C6orf118: variants seen among roughly 807,000 people sequenced by gnomAD.
C6orf118 encodes uncharacterized protein C6orf118.
C6orf118 carries 50 observed loss-of-function variants against 50.2 expected under a neutral mutation model. The ratio of observed to expected loss-of-function variants is 1.00; its 90% CI spans 0.79 to 1.26. The LOEUF is 1.26. C6orf118 is among the 50% of genes most tolerant of loss of function. C6orf118 has a pLI of 0.00. For missense variants in C6orf118, 641 were observed against 578.7 expected, an observed-to-expected ratio of 1.11 and a Z score of -1.10; for synonymous variants, 239 against 230.9, an observed-to-expected ratio of 1.03 and a Z score of -0.32.
chr6:165,301,614 G>A lies in C6orf118; in HGVS notation c.708C>T (p.Phe236=), dbSNP rs1244305766. 2.5e-6 allele frequency: 4 copies of A among 1,613,922 alleles called. No homozygotes were observed. Among genetic ancestry groups the A allele is most frequent in the Non-Finnish European group, 3.4e-6 (4 of 1,180,012 alleles). Residue 236 remains phenylalanine, a synonymous_variant, in exon 2 of 9, where the codon TTC becomes TTT. Transcript: ENST00000230301. ...LAKQDLLKND[F]TGSKAAAGHE... ...GGCCCGCGGCCGCCTTGCTCCCAGT[G>A]AAGTCATTCTTCAGGAGATCTTGCT...
At chr6:165,306,243 A>G (rs1246436742) in intron 1 of C6orf118, among the ~76,000 whole-genome samples, 8 of 53,156 alleles carry the variant, frequency 1.5e-4, no homozygotes, top group African/African-American at 5.9e-4. Context: ...CAAACACCGC[A>G]TATTCTCACT....
At chr6:165,296,514 C>T (rs1780317115) in intron 5 of C6orf118, among the ~76,000 whole-genome samples, 1 of 152,120 alleles carries the variant, frequency 6.6e-6, no homozygotes, top group African/African-American at 2.4e-5. Context: ...TGAGAATATG[C>T]TGCAGTGACC....
chr6:165,300,580 C>A (rs1780490461), intron 2 of C6orf118, 94 bp from the exon 3 acceptor site: 1 of 1,272,682 alleles, frequency 7.9e-7, no homozygotes, highest in Non-Finnish European at 1.1e-6. Context: ...CAGCTGCCAT[C>A]ACCCTGGCGA....
At position 165,309,489 on chromosome 6, in the gene C6orf118, A is replaced by C. The variant is rs969474383; in HGVS notation, c.25+73T>G. Reference sequence around the variant, plus strand: ...ATTTTCACATTTCAAATCAGTCTTCAGAAGCCCATCCCTCCACAATTGAAC... The same window carrying C: ...ATTTTCACATTTCAAATCAGTCTTCCGAAGCCCATCCCTCCACAATTGAAC... On this transcript the variant is annotated intron_variant, in intron 1 of 8. Transcript: ENST00000230301. 8 of 1,557,142 alleles carry C rather than the reference A, an allele frequency of 5.1e-6. No homozygotes were observed. In the African/African-American group the frequency reaches 8.1e-5, roughly 16 times the overall value.
At chr6:165,291,582 C>G (rs538917846) in intron 6 of C6orf118, among the ~76,000 whole-genome samples, 5 of 152,004 alleles carry the variant, frequency 3.3e-5, no homozygotes, top group African/African-American at 1.2e-4. Context: ...GTTGAAATAC[C>G]TATGGGACAC....
At chr6:165,288,742 C>G (rs141259354) in intron 7 of C6orf118, among the ~76,000 whole-genome samples, 1 of 152,012 alleles carries the variant, frequency 6.6e-6, no homozygotes, top group Non-Finnish European at 1.5e-5. Context: ...AATGAGAATG[C>G]ATGGACACAG....
Position 165,302,125 on chromosome 6 carries a change from G to C in C6orf118, c.197C>G (p.Pro66Arg). 1 of 1,613,650 alleles carries C rather than the reference G, an allele frequency of 6.2e-7. No homozygotes were observed. The highest frequency in any genetic ancestry group is 1.1e-5 in the South Asian group (1 of 91,076). Residue 66 changes from proline (P) to arginine (R), a missense_variant, in exon 2 of 9, where the codon CCC becomes CGC. Coordinates refer to ENST00000230301, the MANE Select transcript of C6orf118 (RefSeq NM_144980.4). ...VYLYISGHLN[P>R]NKLYQPPETI... ...CTCCGGAGGCTGGTAGAGCTTGTTGGGGTTCAGGTGTCCAGAGATGTAGAG... is the reference window on the plus strand; with the variant it reads ...CTCCGGAGGCTGGTAGAGCTTGTTGCGGTTCAGGTGTCCAGAGATGTAGAG...
chr6:165,301,424 C>T, intron 2 of C6orf118, 145 bp downstream of exon 2: 1 of 1,146,488 alleles, frequency 8.7e-7, no homozygotes, highest in Non-Finnish European at 1.2e-6. Context: ...ACCGCGAGGT[C>T]TGCACCGAGA....
chr6:165,288,060 A>G (rs958926486), intron 7 of C6orf118, among the ~76,000 whole-genome samples: 6 of 152,220 alleles, frequency 3.9e-5, no homozygotes, highest in African/African-American at 1.2e-4. Context: ...TTCACAATCT[A>G]CAAGGAACTT....
chr6:165,301,521 T>C, intron 2 of C6orf118, 48 bp downstream of exon 2: 1 of 1,563,662 alleles, frequency 6.4e-7, no homozygotes, highest in Non-Finnish European at 8.6e-7. Flanking sequence ...CCGAGAGCTA[T>C]GCCCTGAGAG....
At chr6:165,291,034 C>T (rs1299755099) in intron 6 of C6orf118, among the ~76,000 whole-genome samples, 4 of 152,114 alleles carry the variant, frequency 2.6e-5, no homozygotes, top group Non-Finnish European at 5.9e-5. Flanking sequence ...TCTGGTGAAA[C>T]TTATTCACTA....
intron 5 of C6orf118, 90 bp downstream of exon 5, chr6:165,297,887 A>T (rs534269808): frequency 3.8e-6 from 6 of 1,576,984 alleles, no homozygotes; most frequent in Middle Eastern, 1.7e-4. Flanking sequence ...GCAACGCAGA[A>T]ATCAATGTAA....
intron 5 of C6orf118, among the ~76,000 whole-genome samples, chr6:165,297,125 A>G (rs567651158): frequency 6.6e-6 from 1 of 152,248 alleles, no homozygotes; most frequent in African/African-American, 2.4e-5. Context: ...GAGAGACCTT[A>G]AGACCAAATT....
intron 6 of C6orf118, 30 bp downstream of exon 6, chr6:165,293,383 C>T: frequency 6.2e-7 from 1 of 1,607,442 alleles, no homozygotes; most frequent in Middle Eastern, 1.7e-4. Context: ...GCAAAGCACC[C>T]ATAAGGAAGG....
At chr6:165,307,218 C>G (rs969515124) in intron 1 of C6orf118, among the ~76,000 whole-genome samples, 2 of 144,910 alleles carry the variant, frequency 1.4e-5, no homozygotes, top group Admixed American at 6.9e-5. Flanking sequence ...CCACCCCCCC[C>G]ACCCCACCAA....
intron 7 of C6orf118, among the ~76,000 whole-genome samples, chr6:165,289,454 T>C (rs1343241713): frequency 6.6e-6 from 1 of 152,204 alleles, no homozygotes; most frequent in African/African-American, 2.4e-5. Flanking sequence ...TTAACTTTTA[T>C]GGATTTAGGG....
At position 165,301,861 on chromosome 6, in the gene C6orf118, T is replaced by G; in HGVS notation, c.461A>C (p.Glu154Ala). ...EDFLPVEAVR[E>A]GKEEKKGGPP... ...GCCTCCTTTCTTTTCTTCCTTCCCC[T>G]CTCTGACAGCCTCCACTGGAAGGAA... The change falls in exon 2 of 9, where the codon GAG becomes GCG. Residue 154 changes from glutamate to alanine, a missense_variant. Coordinates refer to ENST00000230301, the MANE Select transcript of C6orf118 (RefSeq NM_144980.4). 1 of 1,613,660 alleles carries G rather than the reference T, an allele frequency of 6.2e-7. No homozygotes were observed. Among genetic ancestry groups the G allele is most frequent in the Non-Finnish European group, 8.5e-7 (1 of 1,179,958 alleles).
intron 5 of C6orf118, among the ~76,000 whole-genome samples, chr6:165,294,839 T>C (rs931697356): frequency 4.6e-5 from 7 of 152,130 alleles, no homozygotes; most frequent in Admixed American, 2.0e-4. Flanking sequence ...GCCATGATCA[T>C]GCCACTACAC....
At position 165,300,393 on chromosome 6, in the gene C6orf118, T is replaced by A. The variant is rs1049957289; in HGVS notation, c.847A>T (p.Ile283Leu). The A allele has an allele frequency of 6.2e-6, 10 of 1,613,836 alleles. No individual in the cohort carries two copies. In the African/African-American group the frequency reaches 9.3e-5, roughly 15 times the overall value. The change falls in exon 3 of 9, where the codon ATA (isoleucine) becomes TTA (leucine). Residue 283 changes from isoleucine to leucine, a missense_variant. Ile to Leu is a conservative substitution (Grantham distance 5). Transcript: ENST00000230301. The part of the protein sequence containing the change: ...VFEDICNSSL[I>L]FGDLLKKVKD... ...ACTTTTTTCAAGAGATCACCAAATA[T>A]CAAAGAACTGTTACAAATATCTTCA...
Sources: gnomAD v4.1 joint callset for allele counts (sites outside exome capture counted in the v4.1 genomes callset) on GRCh38, gnomAD v4.1.1 for gene constraint, MANE v1.5 for transcripts, NCBI Gene and HGNC (gene_info 2026-07-23, HGNC 2026-07-21) for gene names.